Variants in RBFOX1 observed in about 807,000 individuals in gnomAD.
The protein encoded by RBFOX1 is RNA binding fox-1 homolog 1, also known as RNA binding protein fox-1 homolog 1.
In RBFOX1, 8 loss-of-function variants were observed where a neutral mutation model predicts 57.7. The observed-to-expected ratio is 0.14, with a 90% CI of 0.08 to 0.25. The LOEUF is 0.25. Among genes scored for constraint, RBFOX1 ranks in the 10% least tolerant of loss-of-function variants. RBFOX1 has a pLI of 1.00. For synonymous variants in RBFOX1, 326 were observed against 222.4 expected (o/e 1.47, Z -4.15); for missense variants, 611 against 548.5 (o/e 1.11, Z -1.14).
At chr16:7,187,418 G>T (rs530070270) in intron 4 of RBFOX1, among the ~76,000 whole-genome samples, 238 of 151,948 alleles carry the variant, frequency 1.6e-3, no homozygotes, top group African/African-American at 5.4e-3. Flanking sequence ...GGCCAGGCAC[G>T]GTGGCTCACG....
chr16:5,706,804 G>A (rs2051265065), intron 3 of RBFOX1, among the ~76,000 whole-genome samples: 1 of 152,068 alleles, frequency 6.6e-6, no homozygotes. Flanking sequence ...TGTTCTGTGA[G>A]AGTGGGGAGG....
chr16:5,312,003 C>G (rs964025678), intron 1 of RBFOX1, among the ~76,000 whole-genome samples: 3 of 152,194 alleles, frequency 2.0e-5, no homozygotes, highest in African/African-American at 7.2e-5. Flanking sequence ...CTATTAATGC[C>G]TGAATTTCCC....
intron 4 of RBFOX1, among the ~76,000 whole-genome samples, chr16:7,292,209 T>TATATCATATATC (rs1266670436): frequency 9.5e-6 from 1 of 105,050 alleles, no homozygotes; most frequent in Non-Finnish European, 1.8e-5. Flanking sequence ...TTATATATCA[T>TATATCATATATC]ATATATGATA....
chr16:6,815,371 T>C (rs1453633688), intron 3 of RBFOX1, among the ~76,000 whole-genome samples: 2 of 152,156 alleles, frequency 1.3e-5, no homozygotes, highest in African/African-American at 4.8e-5. Context: ...TGCCTAACCT[T>C]CTGGGAATGC....
rs2084178995 is a variant in RBFOX1 at position 7,712,692 on chromosome 16, A to G, written c.*1947A>G. 6.6e-6 allele frequency: 1 copy of G among 152,226 alleles called. No homozygotes were observed. The highest frequency in any genetic ancestry group is 1.5e-5 in the Non-Finnish European group (1 of 68,040). The allele number at this position is 152,226 out of a possible 1,614,324, so 9.4% of individuals were successfully genotyped here. A position where few individuals can be genotyped will look rare whatever the true frequency, so the allele number is the denominator to read the frequency against. On this transcript the variant is annotated 3_prime_UTR_variant, in exon 16 of 16. Coordinates refer to ENST00000550418, the MANE Select transcript of RBFOX1 (RefSeq NM_018723.4). ...AAGACATTCTCATTCCCCCACCTGG[A>G]AAACAGTGTTATGGCAATGGGTGCC...
chr16:7,232,122 C>G (rs1254052030), intron 4 of RBFOX1, among the ~76,000 whole-genome samples: 1 of 152,068 alleles, frequency 6.6e-6, no homozygotes, highest in East Asian at 1.9e-4. Flanking sequence ...CTCCTAGGTT[C>G]AAGCGATTCT....
chr16:7,236,672 A>C (rs867272375), intron 4 of RBFOX1, among the ~76,000 whole-genome samples: 2 of 152,190 alleles, frequency 1.3e-5, no homozygotes, highest in South Asian at 4.1e-4. Flanking sequence ...TTGCAGAAGT[A>C]ATTTAGTAAC....
chr16:6,732,567 C>G lies in RBFOX1; in HGVS notation c.-16+77917C>G, dbSNP rs116203617. On this transcript the variant is annotated intron_variant, in intron 3 of 15. Transcript: ENST00000550418. ...TTGCTTTTCATCCTGAATAGGCAGA[C>G]TTTCCACCACGATTAATGCACGTAG... Among the ~76,000 whole-genome samples the G allele has an allele frequency of 6.3e-3, 967 of 152,330 alleles. 12 individuals are homozygous for G. Among genetic ancestry groups the G allele is most frequent in the African/African-American group, 0.021 (890 of 41,564 alleles).
At chr16:5,983,128 C>G (rs1490086451) in intron 4 of RBFOX1, among the ~76,000 whole-genome samples, 3 of 152,174 alleles carry the variant, frequency 2.0e-5, no homozygotes, top group Non-Finnish European at 4.4e-5. Flanking sequence ...AATTAACTCC[C>G]TGCATTCTCC....
chr16:6,985,362 G>A (rs1171125653), intron 3 of RBFOX1, among the ~76,000 whole-genome samples: 1 of 152,110 alleles, frequency 6.6e-6, no homozygotes, highest in Non-Finnish European at 1.5e-5. Flanking sequence ...ATACACAAAA[G>A]ATATATGGTC....
At chr16:6,879,500 A>C (rs1370862656) in intron 3 of RBFOX1, among the ~76,000 whole-genome samples, 1 of 152,152 alleles carries the variant, frequency 6.6e-6, no homozygotes, top group East Asian at 1.9e-4. Flanking sequence ...CTTAATTGCA[A>C]TTTACAAACT....
At chr16:7,394,419 T>C (rs529979946) in intron 4 of RBFOX1, among the ~76,000 whole-genome samples, 45 of 152,158 alleles carry the variant, frequency 3.0e-4, no homozygotes, top group African/African-American at 1.0e-3. Flanking sequence ...AATCTCTTGC[T>C]TACCTCCCCT....
chr16:7,184,485 C>T (rs973214442), intron 4 of RBFOX1, among the ~76,000 whole-genome samples: 1 of 152,184 alleles, frequency 6.6e-6, no homozygotes, highest in Non-Finnish European at 1.5e-5. Context: ...TTTTTACCTC[C>T]TCTGACATAG....
chr16:7,101,237 C>T (rs1230968866), intron 4 of RBFOX1, among the ~76,000 whole-genome samples: 2 of 152,254 alleles, frequency 1.3e-5, no homozygotes, highest in African/African-American at 2.4e-5. Flanking sequence ...TCTGCACCAG[C>T]GTGGCATAGA....
chr16:5,578,850 T>TCC (rs1339791158), intron 2 of RBFOX1, among the ~76,000 whole-genome samples: 14 of 145,792 alleles, frequency 9.6e-5, no homozygotes, highest in Admixed American at 4.1e-4. Flanking sequence ...CACCCTTTTT[T>TCC]TTTTTTTTTT....
At chr16:6,959,180 CTG>C (rs1295094083) in intron 3 of RBFOX1, among the ~76,000 whole-genome samples, 1 of 152,108 alleles carries the variant, frequency 6.6e-6, no homozygotes, top group African/African-American at 2.4e-5. Flanking sequence ...GCCTTTTCAT[CTG>C]TGAAATACTC....
intron 3 of RBFOX1, among the ~76,000 whole-genome samples, chr16:6,946,214 G>A (rs1189075131): frequency 6.6e-6 from 1 of 152,194 alleles, no homozygotes; most frequent in Non-Finnish European, 1.5e-5. Context: ...TTAGGATTTG[G>A]GTGCCATATG....
intron 3 of RBFOX1, among the ~76,000 whole-genome samples, chr16:6,855,238 A>G (rs1362761293): frequency 6.6e-6 from 1 of 152,060 alleles, no homozygotes; most frequent in African/African-American, 2.4e-5. Flanking sequence ...GAACATATGC[A>G]TGAGGAAGGG....
intron 3 of RBFOX1, among the ~76,000 whole-genome samples, chr16:6,831,205 A>C (rs778277995): frequency 2.6e-5 from 4 of 152,214 alleles, no homozygotes; most frequent in Non-Finnish European, 5.9e-5. Context: ...GAGACAACAC[A>C]GCTTAGTCTT....
Sources: allele counts gnomAD v4.1 joint callset (sites outside exome capture counted in the v4.1 genomes callset), GRCh38; gene constraint gnomAD v4.1.1; transcripts MANE v1.5; gene names NCBI Gene and HGNC (gene_info 2026-07-23, HGNC 2026-07-21).